The following H2BC18 variants were observed in gnomAD, a reference collection of about 807,000 sequenced individuals.
H2BC18 encodes the protein H2B clustered histone 18.
Under a neutral mutation model 6.3 loss-of-function variants are expected in H2BC18, and 8 were observed. The ratio of observed to expected loss-of-function variants is 1.28; its 90% CI spans 0.75 to 2.31. The LOEUF (loss-of-function observed/expected upper bound fraction) is 2.31. H2BC18 is among the 30% of genes most tolerant of loss of function. The pLI is 0.00. For missense variants in H2BC18, 106 were observed against 174.5 expected (o/e 0.61, Z 2.21); for synonymous variants, 104 against 78.1 (o/e 1.33, Z -1.75).
chr1:149,792,892 C>G, intron 1 of H2BC18: 1 of 1,263,356 alleles, frequency 7.9e-7, no homozygotes. Context: ...GGGGCGGCCC[C>G]CCAAAATCCC....
At chr1:149,790,381 C>G in intron 1 of H2BC18, 1 of 1,556,846 alleles carries the variant, frequency 6.4e-7, no homozygotes, top group Non-Finnish European at 8.7e-7. Context: ...GAAGAAGGGA[C>G]TCCCTTATCT....
intron 1 of H2BC18, among the ~76,000 whole-genome samples, chr1:149,785,407 C>CCT (rs1553750700): frequency 0.023 from 1,714 of 74,520 alleles, 188 homozygotes; most frequent in South Asian, 0.068. Flanking sequence ...AGAGCTGTTT[C>CCT]GTTTTTTTTT....
At chr1:149,789,421 G>A (rs12069190) in intron 1 of H2BC18, among the ~76,000 whole-genome samples, 17,019 of 143,972 alleles carry the variant, frequency 0.12, 1,262 homozygotes, top group African/African-American at 0.24. Flanking sequence ...TAATAATAAT[G>A]ATGATAATAA....
At position 149,811,950 on chromosome 1, in the gene H2BC18, G is replaced by T; in HGVS notation, c.374C>A (p.Ser125Ter). ...GTKAVTKYTS[S>*]K Reference sequence around the variant, plus strand: ...TGCGTCCCTTGCACACTCTTACTTCGAGCTGGTGTACTTGGTGACCGCCTT... The same window carrying T: ...TGCGTCCCTTGCACACTCTTACTTCTAGCTGGTGTACTTGGTGACCGCCTT... Residue 125 changes from serine to a stop codon, truncating the protein, a stop_gained, in exon 1 of 1, where the codon TCG becomes TAG. Transcript: ENST00000369167. LOFTEE classifies it high-confidence loss of function. 1 of 1,613,224 alleles carries T rather than the reference G, an allele frequency of 6.2e-7. No homozygotes were observed. Among genetic ancestry groups the T allele is most frequent in the Non-Finnish European group, 8.5e-7 (1 of 1,179,436 alleles).
intron 1 of H2BC18, among the ~76,000 whole-genome samples, chr1:149,800,044 A>C (rs1259014174): frequency 6.6e-6 from 1 of 152,012 alleles, no homozygotes; most frequent in African/African-American, 2.4e-5. Context: ...CTGGGCCTCC[A>C]GAACTTCTGA....
chr1:149,792,773 G>A lies in H2BC18; in HGVS notation c.378-9513C>T, dbSNP rs587695061. 1,122 of 1,278,274 alleles carry A rather than the reference G, an allele frequency of 8.8e-4. 69 individuals carry two copies. In the South Asian group the frequency reaches 0.013, roughly 15 times the overall value. The allele number at this position is 1,278,274 out of a possible 1,614,324, so 79.2% of individuals were successfully genotyped here. On this transcript the variant is annotated intron_variant, in intron 1 of 1. Coordinates refer to the H2BC18 transcript ENST00000545683. ...CAGTGAGAAATTATTTGCATTCCTGGAGGCTGCAGGAGCGAGAAATGAGCT... is the reference window on the plus strand; with the variant it reads ...CAGTGAGAAATTATTTGCATTCCTGAAGGCTGCAGGAGCGAGAAATGAGCT...
At position 149,800,705 on chromosome 1, in the gene H2BC18, A is replaced by G. The variant is rs587678853; in HGVS notation, c.377+11242T>C. 2.6e-3 allele frequency among the ~76,000 whole-genome samples: 381 copies of G among 145,578 alleles called. 3 individuals carry two copies. Among genetic ancestry groups the G allele is most frequent in the African/African-American group, 9.3e-3 (359 of 38,786 alleles). On this transcript the variant is annotated intron_variant, in intron 1 of 1. Transcript: ENST00000545683. ...TTTTATGTCAATAATCAAATTTTAA[A>G]TTTCCAAGATGTGGGAGCGCCCAGT... is the stretch of plus-strand genomic sequence containing the variant.
intron 1 of H2BC18, among the ~76,000 whole-genome samples, chr1:149,790,919 G>A (rs1347614049): frequency 7.6e-5 from 11 of 143,862 alleles, no homozygotes; most frequent in Admixed American, 5.4e-4. Flanking sequence ...AGTCTCCTTG[G>A]GGGGGAAAAA....
intron 1 of H2BC18, among the ~76,000 whole-genome samples, chr1:149,795,394 C>A: frequency 7.7e-6 from 1 of 129,270 alleles, no homozygotes; most frequent in Non-Finnish European, 1.6e-5. Context: ...AAGCTAAGGC[C>A]CAGAATGTGG....
At position 149,792,555 on chromosome 1, in the gene H2BC18, G is replaced by C. The variant is rs1391242068; in HGVS notation, c.378-9295C>G. 5.9e-6 allele frequency: 7 copies of C among 1,180,868 alleles called. No individual in the cohort carries two copies. In the East Asian group the frequency reaches 3.1e-4, roughly 53 times the overall value. The allele number at this position is 1,180,868 out of a possible 1,614,324, so 73.1% of individuals were successfully genotyped here. A position where few individuals can be genotyped will look rare whatever the true frequency, so the allele number is the denominator to read the frequency against. On this transcript the variant is annotated intron_variant, in intron 1 of 1. Coordinates refer to the H2BC18 transcript ENST00000545683. ...GATTCTAGATTATTTGGTTTGATCC[G>C]TAAATGATGGGATGGGGCGTCGCGC...
chr1:149,810,059 G>A (rs1216639132), downstream of H2BC18, among the ~76,000 whole-genome samples: 18 of 151,252 alleles, frequency 1.2e-4, no homozygotes, highest in South Asian at 3.7e-3. Context: ...ATAAATGATG[G>A]CATTTGTGTA....
chr1:149,807,560 C>T (rs2091930954), downstream of H2BC18, among the ~76,000 whole-genome samples: 1 of 131,802 alleles, frequency 7.6e-6, no homozygotes, highest in Non-Finnish European at 1.6e-5. Flanking sequence ...AATCCCAGCA[C>T]TTTGGGAGGC....
At chr1:149,793,023 C>T (rs1451937203) in intron 1 of H2BC18, 61 of 1,263,992 alleles carry the variant, frequency 4.8e-5, no homozygotes, top group Non-Finnish European at 5.9e-5. Flanking sequence ...AACCCCGCCC[C>T]GGGCCCGCCA....
At position 149,796,445 on chromosome 1, in the gene H2BC18, C is replaced by G. The variant is rs587622949; in HGVS notation, c.378-13185G>C. Among the ~76,000 whole-genome samples, 6 of 152,334 alleles carry G rather than the reference C, an allele frequency of 3.9e-5. No individual in the cohort carries two copies. The East Asian group carries it at 1.2e-3, about 29-fold the overall frequency. ...TGATATCCAGTGAAACAGCAGTCCTCTGGAGCCTGGCTGTGACTTCAAGGC... is the reference window on the plus strand; with the variant it reads ...TGATATCCAGTGAAACAGCAGTCCTGTGGAGCCTGGCTGTGACTTCAAGGC... On this transcript the variant is annotated intron_variant, in intron 1 of 1. Coordinates refer to the H2BC18 transcript ENST00000545683.
At chr1:149,793,395 C>G (rs1340629403) in intron 1 of H2BC18, among the ~76,000 whole-genome samples, 4 of 152,044 alleles carry the variant, frequency 2.6e-5, no homozygotes, top group Admixed American at 1.3e-4. Context: ...AGGCTCCAGG[C>G]TCCGCAGGGG....
At chr1:149,786,940 G>A (rs1419522979) in intron 1 of H2BC18, 2 of 152,070 alleles carry the variant, frequency 1.3e-5, no homozygotes, top group African/African-American at 2.4e-5. Flanking sequence ...AATATTGCAT[G>A]TGTGTTTGAA....
At chr1:149,792,610 C>T in intron 1 of H2BC18, 1 of 1,223,116 alleles carries the variant, frequency 8.2e-7, no homozygotes, top group South Asian at 1.4e-5. Context: ...GGGCCCCTGG[C>T]GCCACACTGT....
chr1:149,811,710 A>G (rs1324784945), downstream of H2BC18: 5 of 647,428 alleles, frequency 7.7e-6, no homozygotes, highest in African/African-American at 3.7e-5. Flanking sequence ...ACAGATAACA[A>G]GCAACTCAGT....
intron 1 of H2BC18, among the ~76,000 whole-genome samples, chr1:149,785,392 C>T: frequency 7.3e-6 from 1 of 136,262 alleles, no homozygotes. Context: ...GTTAGGGAAG[C>T]TGACAGAGCT....
Sources: allele counts gnomAD v4.1 joint callset (sites outside exome capture counted in the v4.1 genomes callset), GRCh38; gene constraint gnomAD v4.1.1; transcripts MANE v1.5; gene names NCBI Gene and HGNC (gene_info 2026-07-23, HGNC 2026-07-21).